TNNT2: variants seen among roughly 807,000 people sequenced by gnomAD.
The protein encoded by TNNT2 is troponin T2, cardiac type.
In TNNT2, 34 loss-of-function variants were observed where a neutral mutation model predicts 62.4. The ratio of observed to expected loss-of-function variants is 0.54; its 90% CI spans 0.41 to 0.72. The LOEUF (loss-of-function observed/expected upper bound fraction) is 0.72, where lower values mean the gene tolerates loss of function less well. TNNT2 is among the 30% of genes least tolerant of loss of function. The probability of loss-of-function intolerance (pLI) is 0.00; values close to 1 mark genes in which losing one functional copy is unlikely to be tolerated. For missense variants in TNNT2, 275 were observed against 381.9 expected (o/e 0.72, Z 2.33); for synonymous variants, 123 against 127.2 (o/e 0.97, Z 0.22).
intron 4 of TNNT2, 47 bp downstream of exon 4, chr1:201,371,980 T>A: frequency 6.2e-7 from 1 of 1,613,552 alleles, no homozygotes; most frequent in African/African-American, 1.3e-5. Context: ...ATTTCCACAT[T>A]GCTGAGCCTG....
At chr1:201,366,266 T>G in intron 8 of TNNT2, 1 of 1,017,870 alleles carries the variant, frequency 9.8e-7, no homozygotes, top group Non-Finnish European at 1.2e-6. Context: ...AAGGCCCCAC[T>G]GAAATGGGAA....
At chr1:201,369,728 C>T (rs978605866) in intron 5 of TNNT2, 88 bp downstream of exon 5, 2 of 1,565,112 alleles carry the variant, frequency 1.3e-6, no homozygotes, top group Non-Finnish European at 1.8e-6. Context: ...TCACACCCCC[C>T]AGCCCCCAGA....
intron 1 of TNNT2, among the ~76,000 whole-genome samples, chr1:201,376,658 G>A (rs932680903): frequency 5.9e-5 from 9 of 152,058 alleles, no homozygotes; most frequent in African/African-American, 1.7e-4. Context: ...GTAGCTTCCC[G>A]GCTACAGCAG....
chr1:201,368,301 T>C (rs1571650097), intron 5 of TNNT2, 74 bp from the exon 6 acceptor site: 1 of 1,514,956 alleles, frequency 6.6e-7, no homozygotes, highest in Non-Finnish European at 9.1e-7. Flanking sequence ...GAGCAGAGAA[T>C]GGGCAGCGGG....
At chr1:201,377,570 C>T (rs985941939) in intron 1 of TNNT2, 53 bp downstream of exon 1, 1 of 456,208 alleles carries the variant, frequency 2.2e-6, no homozygotes, top group African/African-American at 2.0e-5. Flanking sequence ...ACCCTCACAT[C>T]TCCCCGTCCA....
intron 4 of TNNT2, among the ~76,000 whole-genome samples, chr1:201,370,188 A>T (rs756694455): frequency 6.6e-5 from 10 of 152,232 alleles, no homozygotes; most frequent in Non-Finnish European, 1.2e-4. Flanking sequence ...TCTAGACGAC[A>T]GAGCCTTGGC....
intron 10 of TNNT2, 132 bp downstream of exon 10, chr1:201,365,059 T>C (rs1659400406): frequency 3.7e-6 from 3 of 808,352 alleles, no homozygotes; most frequent in Admixed American, 1.7e-5. Context: ...GGAGGGCCTC[T>C]GAAGGAGACC....
intron 12 of TNNT2, 90 bp downstream of exon 12, chr1:201,363,205 AC>A (rs1341547216): frequency 6.2e-7 from 1 of 1,608,464 alleles, no homozygotes; most frequent in Non-Finnish European, 8.5e-7. Flanking sequence ...TCTTCCTGGG[AC>A]CTGACCTAAA....
intron 7 of TNNT2, chr1:201,367,137 C>G (rs1388871521): frequency 1.7e-6 from 1 of 594,574 alleles, no homozygotes; most frequent in Non-Finnish European, 3.0e-6. Flanking sequence ...CTCTCACTCA[C>G]CAGTTCTGGG....
intron 10 of TNNT2, 84 bp from the exon 11 acceptor site, chr1:201,364,459 G>T: frequency 1.4e-6 from 2 of 1,385,846 alleles, no homozygotes; most frequent in East Asian, 4.8e-5. Flanking sequence ...GGGGTGGCAA[G>T]GGAATTCCTG....
At chr1:201,362,473 G>A in intron 12 of TNNT2, 79 bp from the exon 13 acceptor site, 1 of 1,549,140 alleles carries the variant, frequency 6.5e-7, no homozygotes, top group Non-Finnish European at 8.9e-7. Flanking sequence ...AAGGCAGGAA[G>A]ACAAAGGCAA....
At chr1:201,361,236 G>A in intron 15 of TNNT2, 43 bp downstream of exon 15, 1 of 1,581,646 alleles carries the variant, frequency 6.3e-7, no homozygotes, top group Non-Finnish European at 8.7e-7. Flanking sequence ...ACCAGGAGGA[G>A]TGTGAGATGG....
chr1:201,361,215 G>C lies in TNNT2; in HGVS notation c.810+64C>G, dbSNP rs45496994. ...CCCAGGGACCTGCAGCAGTATTACC[G>C]GACCCAGTGAACCAGGAGGAGTGTG... On this transcript the variant is annotated intron_variant, in intron 15 of 16. Coordinates refer to ENST00000656932, the MANE Select transcript of TNNT2 (RefSeq NM_001276345.2). The C allele has an allele frequency of 1.7e-3, 2,498 of 1,508,242 alleles. 43 individuals carry two copies. In the African/African-American group the frequency reaches 0.025, roughly 15 times the overall value. The allele number at this position is 1,508,242 out of a possible 1,614,324, so 93.4% of individuals were successfully genotyped here.
intron 5 of TNNT2, 43 bp downstream of exon 5, chr1:201,369,754 AAGGAGGCTGCACTTGGGAC>A: frequency 1.2e-6 from 2 of 1,608,538 alleles, no homozygotes; most frequent in Non-Finnish European, 1.7e-6. Flanking sequence ...GCCCCTGGAC[AAGGAGGCTGCACTTGGGAC>A]AGCAGGCAGC....
chr1:201,365,673 G>C lies in TNNT2; in HGVS notation c.234-3C>G. Reference sequence around the variant, plus strand: ...GCACCAAGTTGGGCATGAACGACCTGTTGGAGAGAGGAATAGTCAGCATCA... The same window carrying C: ...GCACCAAGTTGGGCATGAACGACCTCTTGGAGAGAGGAATAGTCAGCATCA... On this transcript the variant is annotated splice_region_variant and splice_polypyrimidine_tract_variant and intron_variant, in intron 8 of 16. Transcript: ENST00000656932. 6.2e-7 allele frequency: 1 copy of C among 1,613,800 alleles called. No homozygotes were observed. Among genetic ancestry groups the C allele is most frequent in the Non-Finnish European group, 8.5e-7 (1 of 1,179,914 alleles).
chr1:201,369,956 G>A, intron 4 of TNNT2, 111 bp from the exon 5 acceptor site: 1 of 1,251,002 alleles, frequency 8.0e-7, no homozygotes, highest in Non-Finnish European at 1.2e-6. Flanking sequence ...TAAGAGTGTG[G>A]GCTTTGGAGT....
At chr1:201,366,658 C>A in intron 8 of TNNT2, 180 bp downstream of exon 8, 1 of 1,499,630 alleles carries the variant, frequency 6.7e-7, no homozygotes, top group Non-Finnish European at 8.9e-7. Context: ...ATTCAGCCCT[C>A]ACTCACTCCC....
intron 4 of TNNT2, among the ~76,000 whole-genome samples, chr1:201,371,087 C>A (rs896479015): frequency 4.6e-5 from 7 of 152,178 alleles, no homozygotes; most frequent in African/African-American, 1.7e-4. Context: ...TCCCTAGGAG[C>A]CATGGGGAGC....
At chr1:201,377,079 TC>T (rs1303414552) in intron 1 of TNNT2, among the ~76,000 whole-genome samples, 1 of 152,188 alleles carries the variant, frequency 6.6e-6, no homozygotes, top group Non-Finnish European at 1.5e-5. Flanking sequence ...TCTCAGTACT[TC>T]CAGGACAGTT....
Sources: allele counts gnomAD v4.1 joint callset (sites outside exome capture counted in the v4.1 genomes callset), GRCh38; gene constraint gnomAD v4.1.1; transcripts MANE v1.5; gene names NCBI Gene and HGNC (gene_info 2026-07-23, HGNC 2026-07-21).